ALS2: variants seen among roughly 807,000 people sequenced by gnomAD.
The protein encoded by ALS2 is alsin.
In ALS2, 117 loss-of-function variants were observed where a neutral mutation model predicts 203.4. The ratio of observed to expected loss-of-function variants is 0.58; its 90% confidence interval spans 0.50 to 0.67. ALS2 has a LOEUF of 0.67. ALS2 is among the 30% of genes least tolerant of loss of function. The probability of loss-of-function intolerance (pLI) is 0.00; values close to 1 mark genes in which losing one functional copy is unlikely to be tolerated. For missense variants in ALS2, 1,715 were observed against 1,989.4 expected, an observed-to-expected ratio of 0.86 and a Z score of 2.62; for synonymous variants, 718 against 725.9, an observed-to-expected ratio of 0.99 and a Z score of 0.17.
At chr2:201,765,526 A>G (rs902022223) in intron 3 of ALS2, 3 of 167,126 alleles carry the variant, frequency 1.8e-5, no homozygotes, top group African/African-American at 7.2e-5. Context: ...CAAACTAGAA[A>G]GAAATCCATG....
rs368953721 is a variant in ALS2 at position 201,709,854 on chromosome 2, G to A, written c.4280+27C>T. ...GGTATAAAATAGTATTCCATAGCCC[G>A]CAGACTTTAGTGAAAAGCTCTCTTA... On this transcript the variant is annotated intron_variant, in intron 27 of 33. Coordinates refer to ENST00000264276, the MANE Select transcript of ALS2 (RefSeq NM_020919.4). 1.7e-5 allele frequency: 28 copies of A among 1,613,170 alleles called. No individual in the cohort carries two copies. The African/African-American group carries it at 1.7e-4, about 10-fold the overall frequency.
intron 8 of ALS2, among the ~76,000 whole-genome samples, chr2:201,748,065 C>A (rs1692785784): frequency 6.6e-6 from 1 of 152,156 alleles, no homozygotes; most frequent in African/African-American, 2.4e-5. Flanking sequence ...CACACACACA[C>A]AAATACACTC....
In ALS2 at chr2:201,761,441, T is replaced by C. The variant is rs771160828; in HGVS notation, c.553A>G (p.Thr185Ala). 1 of 1,607,616 alleles carries C rather than the reference T, an allele frequency of 6.2e-7. No individual in the cohort carries two copies. The highest frequency in any genetic ancestry group is 8.5e-7 in the Non-Finnish European group (1 of 1,175,042). ...GTGCQLGLIT[T>A]AFPVTKPQKV... ...TGCGGCTTTGTCACTGGGAAGGCAG[T>C]GGTAATGAGACCCAACTGACAACCG... Residue 185 changes from threonine to alanine, a missense_variant, in exon 4 of 34, where the codon ACT (threonine) becomes GCT (alanine). By Grantham distance (58) the Thr-to-Ala change is moderately conservative. Transcript: ENST00000264276.
intron 23 of ALS2, chr2:201,722,766 G>A: frequency 2.4e-6 from 1 of 408,832 alleles, no homozygotes; most frequent in Non-Finnish European, 4.4e-6. Context: ...CCCAAAAAAG[G>A]CAAATCTATA....
At chr2:201,775,717 A>G (rs768289158) in intron 1 of ALS2, among the ~76,000 whole-genome samples, 5 of 152,154 alleles carry the variant, frequency 3.3e-5, no homozygotes, top group Non-Finnish European at 5.9e-5. Context: ...CACAGAAAGC[A>G]TTGCCTGATA....
At chr2:201,731,503 G>A (rs1255642021) in intron 13 of ALS2, among the ~76,000 whole-genome samples, 1 of 151,960 alleles carries the variant, frequency 6.6e-6, no homozygotes, top group Non-Finnish European at 1.5e-5. Flanking sequence ...GAGTTGATGT[G>A]GGGATTAAAG....
intron 12 of ALS2, among the ~76,000 whole-genome samples, chr2:201,738,261 T>C (rs746396287): frequency 6.6e-6 from 1 of 152,244 alleles, no homozygotes; most frequent in Non-Finnish European, 1.5e-5. Context: ...CTTTAAATTA[T>C]TTACCCAGAA....
chr2:201,765,560 C>T (rs1291741945), intron 3 of ALS2: 5 of 167,052 alleles, frequency 3.0e-5, no homozygotes, highest in Middle Eastern at 3.4e-3. Flanking sequence ...ACCACCAGGA[C>T]CAGATTTAAT....
At position 201,761,035 on chromosome 2, in the gene ALS2, G is replaced by C; in HGVS notation, c.959C>G (p.Ser320Cys). 6.2e-7 allele frequency: 1 copy of C among 1,614,176 alleles called. No homozygotes were observed. The highest frequency in any genetic ancestry group is 8.5e-7 in the Non-Finnish European group (1 of 1,180,024). Residue 320 changes from serine (S) to cysteine (C), a missense_variant, in exon 4 of 34, where the codon TCT (serine) becomes TGT (cysteine). Coordinates refer to ENST00000264276, the MANE Select transcript of ALS2 (RefSeq NM_020919.4). ...AQITSSDAMS[S>C]QQNVMGTTEI... ...AGTTGTTCCCATGACATTTTGTTGA[G>C]AGGACATGGCATCGCTGCTTGTGAT...
intron 3 of ALS2, chr2:201,765,267 ATCCT>A (rs1482753911): frequency 6.6e-6 from 1 of 152,280 alleles, no homozygotes; most frequent in African/African-American, 2.4e-5. Context: ...GGCTCAAGGG[ATCCT>A]TCTGCCTTGG....
chr2:201,746,211 A>C (rs1692632922), intron 9 of ALS2, among the ~76,000 whole-genome samples: 5 of 152,238 alleles, frequency 3.3e-5, no homozygotes, highest in Admixed American at 2.6e-4. Flanking sequence ...TAATTCAACA[A>C]ACATTTATAA....
At chr2:201,754,352 ACAGCTTTTTAT>A (rs1693256051) in intron 6 of ALS2, 140 bp downstream of exon 6, 1 of 1,039,174 alleles carries the variant, frequency 9.6e-7, no homozygotes, top group African/African-American at 1.6e-5. Flanking sequence ...GAGTAAAGTG[ACAGCTTTTTAT>A]CAGAGTTAAT....
At chr2:201,776,185 T>C (rs796537175) in intron 1 of ALS2, among the ~76,000 whole-genome samples, 1 of 152,240 alleles carries the variant, frequency 6.6e-6, no homozygotes. Context: ...ACTTTAAAAA[T>C]GGTTAAACAA....
chr2:201,760,972 T>C lies in ALS2; in HGVS notation c.1022A>G (p.Asp341Gly). 6.2e-7 allele frequency: 1 copy of C among 1,614,162 alleles called. No homozygotes were observed. Among genetic ancestry groups the C allele is most frequent in the Non-Finnish European group, 8.5e-7 (1 of 1,180,020 alleles). The change falls in exon 4 of 34, where the codon GAC becomes GGC. Residue 341 changes from aspartate to glycine, a missense_variant. By Grantham distance (94) the Asp-to-Gly change is moderately conservative (BLOSUM62 -1). Coordinates refer to ENST00000264276, the MANE Select transcript of ALS2 (RefSeq NM_020919.4). ...TAGGTATTCATTGACTGCTTGGGTG[T>C]CAGGGTATGATGGTATGTTTCTGGC... ...SSARNIPSYP[D>G]TQAVNEYLRK...
In ALS2 at chr2:201,749,777, C is replaced by T; in HGVS notation, c.1750G>A (p.Gly584Ser). Residue 584 changes from glycine to serine, a missense_variant, in exon 8 of 34, where the codon GGT becomes AGT. Around this residue, in one of 3 missense-constraint regions of ALS2, gnomAD observed 1,227 missense variants for 1,413.5 expected, o/e 0.87. Coordinates refer to ENST00000264276, the MANE Select transcript of ALS2 (RefSeq NM_020919.4). ...LTAKSQVYSW[G>S]SNTFGQLGHS... ...CCAAGTTGACCAAAGGTATTGCTAC[C>T]CCATGAGTAAACCTATCAAAAAAAC... 6.2e-7 allele frequency: 1 copy of T among 1,613,858 alleles called. No individual in the cohort carries two copies. Among genetic ancestry groups the T allele is most frequent in the Non-Finnish European group, 8.5e-7 (1 of 1,179,896 alleles).
chr2:201,717,912 C>T (rs1690516752), intron 24 of ALS2, among the ~76,000 whole-genome samples, 165 bp downstream of exon 24: 1 of 151,862 alleles, frequency 6.6e-6, no homozygotes, highest in Non-Finnish European at 1.5e-5. Context: ...TGCACTCCAG[C>T]CTGGTGACAG....
chr2:201,746,812 C>T (rs1466193306), intron 8 of ALS2, 64 bp from the exon 9 acceptor site: 1 of 1,576,660 alleles, frequency 6.3e-7, no homozygotes, highest in African/African-American at 1.3e-5. Flanking sequence ...TTCGGATCCA[C>T]AGGAACTGAA....
chr2:201,715,239 C>T (rs1559038752), intron 25 of ALS2, among the ~76,000 whole-genome samples: 1 of 152,170 alleles, frequency 6.6e-6, no homozygotes, highest in African/African-American at 2.4e-5. Flanking sequence ...ATCAACCACT[C>T]TGAGTTTTAG....
intron 24 of ALS2, chr2:201,716,567 T>C (rs1690407399): frequency 8.2e-6 from 1 of 122,442 alleles, no homozygotes. Context: ...AAAAAAAAAT[T>C]AGCCAGGCGT....
Sources: allele counts gnomAD v4.1 joint callset (sites outside exome capture counted in the v4.1 genomes callset), GRCh38; gene constraint gnomAD v4.1.1; regional missense constraint gnomAD v4.1.1; transcripts MANE v1.5; gene names NCBI Gene and HGNC (gene_info 2026-07-23, HGNC 2026-07-21).